PTPRD: variants seen among roughly 807,000 people sequenced by gnomAD.
PTPRD encodes the protein receptor-type tyrosine-protein phosphatase delta.
A neutral mutation model predicts 214.5 loss-of-function variants in PTPRD; 34 were observed. The ratio of observed to expected loss-of-function variants is 0.16; its 90% CI spans 0.12 to 0.21. PTPRD has a LOEUF of 0.21. Among genes scored for constraint, PTPRD ranks in the 10% least tolerant of loss-of-function variants. The pLI is 1.00. For missense variants in PTPRD, 2,545 were observed against 2,398.7 expected (o/e 1.06, Z -1.27); for synonymous variants, 1,128 against 845.7 (o/e 1.33, Z -5.79).
At chr9:8,675,663 C>T (rs1391077218) in intron 12 of PTPRD, among the ~76,000 whole-genome samples, 2 of 150,522 alleles carry the variant, frequency 1.3e-5, no homozygotes, top group Non-Finnish European at 3.0e-5. Flanking sequence ...ATCATCAAAA[C>T]ATTCCAGTTA....
chr9:9,870,139 T>G lies in PTPRD; in HGVS notation c.-368+68368A>C, dbSNP rs1284830179. Among the ~76,000 whole-genome samples the G allele has an allele frequency of 2.0e-5, 3 of 152,022 alleles. No homozygotes were observed. The East Asian group carries it at 5.8e-4, about 29-fold the overall frequency. ...AAATGGAAAAGGTAATCTCTAAGATTGGTAAAAAGGTAAAATCATTGAAGA... is the reference window on the plus strand; with the variant it reads ...AAATGGAAAAGGTAATCTCTAAGATGGGTAAAAAGGTAAAATCATTGAAGA... On this transcript the variant is annotated intron_variant, in intron 5 of 45. Transcript: ENST00000381196.
intron 4 of PTPRD, among the ~76,000 whole-genome samples, chr9:9,961,086 CTCCTT>C (rs2094332245): frequency 6.6e-6 from 1 of 151,126 alleles, no homozygotes; most frequent in South Asian, 2.1e-4. Flanking sequence ...GACACCATAT[CTCCTT>C]TCAAATATGA....
chr9:10,139,888 T>C (rs1042412097), intron 3 of PTPRD, among the ~76,000 whole-genome samples: 1 of 152,066 alleles, frequency 6.6e-6, no homozygotes, highest in Non-Finnish European at 1.5e-5. Context: ...TAAAATTAAC[T>C]TATGACAGAT....
chr9:9,245,534 C>A (rs1441950593), intron 9 of PTPRD, among the ~76,000 whole-genome samples: 3 of 151,784 alleles, frequency 2.0e-5, no homozygotes, highest in Non-Finnish European at 4.4e-5. Context: ...AAACCAAACA[C>A]TGCATGTTCT....
chr9:8,597,462 A>C (rs1001877997), intron 14 of PTPRD, among the ~76,000 whole-genome samples: 1 of 152,100 alleles, frequency 6.6e-6, no homozygotes, highest in Non-Finnish European at 1.5e-5. Context: ...CAAAGAATTT[A>C]CCAATCTTTG....
intron 3 of PTPRD, among the ~76,000 whole-genome samples, chr9:10,279,139 C>A (rs576381876): frequency 1.3e-5 from 2 of 152,162 alleles, no homozygotes; most frequent in African/African-American, 2.4e-5. Context: ...GATAATCAAT[C>A]ATAATTCTTA....
chr9:10,214,384 C>T (rs570231119), intron 3 of PTPRD, among the ~76,000 whole-genome samples: 1 of 150,964 alleles, frequency 6.6e-6, no homozygotes, highest in East Asian at 2.0e-4. Context: ...TCAAGTGATT[C>T]TCCTGCCTCT....
intron 14 of PTPRD, among the ~76,000 whole-genome samples, chr9:8,572,645 G>T (rs1233379147): frequency 6.6e-6 from 1 of 151,960 alleles, no homozygotes; most frequent in East Asian, 1.9e-4. Flanking sequence ...TAACTGCTTA[G>T]AGAGGTACTT....
intron 3 of PTPRD, among the ~76,000 whole-genome samples, chr9:10,144,647 A>T (rs574481845): frequency 4.3e-4 from 66 of 152,202 alleles, no homozygotes; most frequent in African/African-American, 1.5e-3. Flanking sequence ...CAATATTTTG[A>T]CCTATCTCCA....
chr9:8,881,488 CAGTT>C (rs1424881856), intron 11 of PTPRD, among the ~76,000 whole-genome samples: 1 of 152,148 alleles, frequency 6.6e-6, no homozygotes, highest in Non-Finnish European at 1.5e-5. Context: ...ATGTAGTATA[CAGTT>C]AGTTCTTTCT....
At chr9:10,199,426 T>C (rs2099410844) in intron 3 of PTPRD, among the ~76,000 whole-genome samples, 1 of 152,052 alleles carries the variant, frequency 6.6e-6, no homozygotes, top group Admixed American at 6.6e-5. Flanking sequence ...ACTCACATGA[T>C]ACCTGCCCAC....
In PTPRD at chr9:8,499,805, C is replaced by A. The variant is rs150444130; in HGVS notation, c.2164G>T (p.Ala722Ser). 2,710 of 1,612,944 alleles carry A rather than the reference C, an allele frequency of 1.7e-3. 1 individual carries two copies. The highest frequency in any genetic ancestry group is 2.3e-3 in the Admixed American group (137 of 59,748). ...SGPPRKVEVE[A>S]VNSTSVKVSW... ...ACTTTAACAGATGTTGAGTTGACAG[C>A]CTCTACCTCGACTTTGCGAGGAGGA... Residue 722 changes from alanine (A) to serine (S), a missense_variant, in exon 25 of 46, where the codon GCT becomes TCT. Transcript: ENST00000381196.
At chr9:8,895,724 G>A (rs1172884095) in intron 11 of PTPRD, among the ~76,000 whole-genome samples, 1 of 152,134 alleles carries the variant, frequency 6.6e-6, no homozygotes, top group Non-Finnish European at 1.5e-5. Context: ...AAGACAATGA[G>A]TGCTGCTGAA....
intron 3 of PTPRD, among the ~76,000 whole-genome samples, chr9:10,089,989 C>T (rs190879819): frequency 6.6e-5 from 10 of 151,596 alleles, no homozygotes; most frequent in Admixed American, 5.3e-4. Flanking sequence ...TTTCATAAGG[C>T]AAGATATTCC....
intron 5 of PTPRD, among the ~76,000 whole-genome samples, chr9:9,774,712 A>C (rs910054446): frequency 6.6e-6 from 1 of 152,194 alleles, no homozygotes; most frequent in Non-Finnish European, 1.5e-5. Flanking sequence ...AGAAGCCTTG[A>C]GGGAGTTATT....
chr9:9,310,947 A>C (rs1595587090), intron 9 of PTPRD, among the ~76,000 whole-genome samples: 1 of 148,772 alleles, frequency 6.7e-6, no homozygotes, highest in South Asian at 2.1e-4. Flanking sequence ...ATAAATAAAT[A>C]AATAAATAAA....
At chr9:9,156,193 A>G (rs922618052) in intron 10 of PTPRD, among the ~76,000 whole-genome samples, 1 of 152,178 alleles carries the variant, frequency 6.6e-6, no homozygotes, top group Non-Finnish European at 1.5e-5. Flanking sequence ...AGATATGTAC[A>G]TATCTTGACA....
intron 12 of PTPRD, among the ~76,000 whole-genome samples, chr9:8,732,539 T>C (rs190824801): frequency 1.2e-3 from 188 of 152,336 alleles, no homozygotes; most frequent in African/African-American, 4.4e-3. Flanking sequence ...CATTTGGGTC[T>C]TTTCCCAGTT....
intron 11 of PTPRD, among the ~76,000 whole-genome samples, chr9:8,803,688 G>C (rs940920455): frequency 2.0e-5 from 3 of 151,250 alleles, no homozygotes; most frequent in African/African-American, 7.3e-5. Context: ...CGGCTCACTT[G>C]TAACCACTGC....
Sources: gnomAD v4.1 joint callset for allele counts (sites outside exome capture counted in the v4.1 genomes callset) on GRCh38, gnomAD v4.1.1 for gene constraint, MANE v1.5 for transcripts, NCBI Gene and HGNC (gene_info 2026-07-23, HGNC 2026-07-21) for gene names.